Variants in RAP1A observed in about 807,000 individuals in gnomAD.
The protein encoded by RAP1A is RAP1A, member of RAS oncogene family.
Under a neutral mutation model 26.4 loss-of-function variants are expected in RAP1A, and 6 were observed. The ratio of observed to expected loss-of-function variants is 0.23; its 90% CI spans 0.12 to 0.45. The LOEUF is 0.45. RAP1A is among the 20% of genes least tolerant of loss of function. The probability of loss-of-function intolerance (pLI) is 0.99; values close to 1 mark genes in which losing one functional copy is unlikely to be tolerated. For synonymous variants in RAP1A, 73 were observed against 79.4 expected (o/e 0.92, Z 0.43); for missense variants, 121 against 217.2 (o/e 0.56, Z 2.78).
At chr1:111,595,828 G>C (rs1658555082) in intron 1 of RAP1A, among the ~76,000 whole-genome samples, 1 of 152,112 alleles carries the variant, frequency 6.6e-6, no homozygotes, top group South Asian at 2.1e-4. Context: ...GGCAAGTCCT[G>C]TTTCATAGAA....
intron 1 of RAP1A, among the ~76,000 whole-genome samples, chr1:111,556,269 G>A (rs1247245064): frequency 6.6e-6 from 1 of 152,150 alleles, no homozygotes; most frequent in Non-Finnish European, 1.5e-5. Context: ...CACTCACACA[G>A]ATAACAAGTA....
chr1:111,671,664 A>G (rs1660979844), intron 1 of RAP1A, among the ~76,000 whole-genome samples: 1 of 152,120 alleles, frequency 6.6e-6, no homozygotes, highest in Non-Finnish European at 1.5e-5. Flanking sequence ...CAGTAGAGAC[A>G]GGGTTCACCA....
intron 1 of RAP1A, among the ~76,000 whole-genome samples, chr1:111,613,153 T>G (rs375793086): frequency 9.6e-5 from 9 of 93,998 alleles, no homozygotes; most frequent in African/African-American, 4.7e-4. Flanking sequence ...AAACGTAGGG[T>G]TTTTTTTTTT....
At position 111,646,347 on chromosome 1, in the gene RAP1A, T is replaced by G. The variant is rs116045852; in HGVS notation, c.-28+26413T>G. ...ATAGGAGATCCCTGCCAATTAGAGCTAGTGATGTTTTGTTCTAATTTGGAG... is the reference window on the plus strand; with the variant it reads ...ATAGGAGATCCCTGCCAATTAGAGCGAGTGATGTTTTGTTCTAATTTGGAG... On this transcript the variant is annotated intron_variant, in intron 1 of 7. Coordinates refer to ENST00000369709, the MANE Select transcript of RAP1A (RefSeq NM_002884.4). Among the ~76,000 whole-genome samples, 1,308 of 151,428 alleles carry G rather than the reference T, an allele frequency of 8.6e-3. 17 individuals carry two copies. Among genetic ancestry groups the G allele is most frequent in the African/African-American group, 0.03 (1,252 of 41,100 alleles).
intron 1 of RAP1A, among the ~76,000 whole-genome samples, chr1:111,572,916 T>C (rs1258073030): frequency 6.6e-6 from 1 of 152,154 alleles, no homozygotes; most frequent in African/African-American, 2.4e-5. Context: ...TACTCTTAGG[T>C]AGGCTCCAGT....
At chr1:111,606,476 A>T (rs1658781212) in intron 1 of RAP1A, among the ~76,000 whole-genome samples, 1 of 152,284 alleles carries the variant, frequency 6.6e-6, no homozygotes, top group African/African-American at 2.4e-5. Context: ...AGCTTCCAGT[A>T]TTTTCTGTCC....
At chr1:111,677,691 T>G (rs923736294) in intron 1 of RAP1A, among the ~76,000 whole-genome samples, 5 of 152,220 alleles carry the variant, frequency 3.3e-5, no homozygotes, top group Non-Finnish European at 7.3e-5. Context: ...GTGACTGGCT[T>G]CTCTCAGAGC....
chr1:111,633,987 G>A (rs929431459), intron 1 of RAP1A, among the ~76,000 whole-genome samples: 1 of 152,142 alleles, frequency 6.6e-6, no homozygotes, highest in Non-Finnish European at 1.5e-5. Context: ...TTGCTTTGTG[G>A]TTTTCTTAGC....
At chr1:111,696,230 T>C (rs894569725) in intron 3 of RAP1A, among the ~76,000 whole-genome samples, 4 of 152,228 alleles carry the variant, frequency 2.6e-5, no homozygotes, top group African/African-American at 9.6e-5. Context: ...TATAAAAGGC[T>C]AGTAGCCAAG....
At chr1:111,554,518 A>G (rs1222756905) in intron 1 of RAP1A, among the ~76,000 whole-genome samples, 1 of 152,254 alleles carries the variant, frequency 6.6e-6, no homozygotes, top group East Asian at 1.9e-4. Flanking sequence ...CTACAGGACA[A>G]TAAGTCTCAG....
At chr1:111,667,778 T>C (rs1424628196) in intron 1 of RAP1A, among the ~76,000 whole-genome samples, 1 of 152,060 alleles carries the variant, frequency 6.6e-6, no homozygotes, top group Admixed American at 6.6e-5. Flanking sequence ...ATTTTACAAC[T>C]GGAAACCTAA....
chr1:111,710,692 C>T (rs1662355089), intron 7 of RAP1A, among the ~76,000 whole-genome samples: 1 of 152,060 alleles, frequency 6.6e-6, no homozygotes, highest in Admixed American at 6.6e-5. Context: ...ATTGTAGTTC[C>T]TTTTTTAAAT....
chr1:111,577,401 CAAAAAAAAAAAAAA>C (rs56156855), intron 1 of RAP1A, among the ~76,000 whole-genome samples: 3 of 29,040 alleles, frequency 1.0e-4, no homozygotes, highest in African/African-American at 3.9e-4. Flanking sequence ...GACTCCATCG[CAAAAAAAAAAAAAA>C]AAAAAAAAAA....
At chr1:111,628,993 G>A (rs1659484364) in intron 1 of RAP1A, among the ~76,000 whole-genome samples, 2 of 152,124 alleles carry the variant, frequency 1.3e-5, no homozygotes, top group Non-Finnish European at 2.9e-5. Context: ...TTGGTTAACA[G>A]GATATCCTCG....
At chr1:111,629,918 G>C (rs187280374) in intron 1 of RAP1A, among the ~76,000 whole-genome samples, 1 of 152,290 alleles carries the variant, frequency 6.6e-6, no homozygotes, top group African/African-American at 2.4e-5. Flanking sequence ...AGCAGAATCT[G>C]AACTACAGTC....
intron 1 of RAP1A, among the ~76,000 whole-genome samples, chr1:111,629,542 A>G (rs1276785338): frequency 6.6e-6 from 1 of 152,214 alleles, no homozygotes; most frequent in Non-Finnish European, 1.5e-5. Context: ...TGCATTTTTT[A>G]AAACAGTGAG....
At chr1:111,705,578 A>G (rs951576748) in intron 6 of RAP1A, among the ~76,000 whole-genome samples, 1 of 152,236 alleles carries the variant, frequency 6.6e-6, no homozygotes, top group Admixed American at 6.5e-5. Flanking sequence ...TAACAAGTAC[A>G]TAAAAACAAG....
intron 7 of RAP1A, among the ~76,000 whole-genome samples, chr1:111,710,450 A>G (rs1662341746): frequency 6.6e-6 from 1 of 152,346 alleles, no homozygotes; most frequent in South Asian, 2.1e-4. Context: ...AAATAATACC[A>G]TAAAAGATTA....
chr1:111,596,685 G>A (rs1658569643), intron 1 of RAP1A, among the ~76,000 whole-genome samples: 1 of 152,248 alleles, frequency 6.6e-6, no homozygotes, highest in Admixed American at 6.5e-5. Context: ...GCTGAGAGAT[G>A]TGGTGGCTGG....
Sources: allele counts gnomAD v4.1 joint callset (sites outside exome capture counted in the v4.1 genomes callset), GRCh38; gene constraint gnomAD v4.1.1; transcripts MANE v1.5; gene names NCBI Gene and HGNC (gene_info 2026-07-23, HGNC 2026-07-21).